The following BMX variants were observed in gnomAD, a reference collection of about 807,000 sequenced individuals.
BMX encodes the protein BMX non-receptor tyrosine kinase.
Under a neutral mutation model 59.2 loss-of-function variants are expected in BMX, and 31 were observed. That is an observed-to-expected ratio of 0.52 (90% CI 0.39 to 0.71). The LOEUF (loss-of-function observed/expected upper bound fraction) is 0.71. Among genes scored for constraint, BMX ranks in the 30% least tolerant of loss-of-function variants. The pLI is 0.00. For missense variants in BMX, 474 were observed against 491.7 expected (o/e 0.96, Z 0.34); for synonymous variants, 185 against 181.0 (o/e 1.02, Z -0.18).
At chrX:15,524,564 GC>G (rs1360287035) in intron 7 of BMX, among the ~76,000 whole-genome samples, 5 of 112,179 alleles carry the variant, frequency 4.5e-5, no homozygotes, top group Non-Finnish European at 7.5e-5. Flanking sequence ...ATTCTAGTGG[GC>G]AAGGCTCTTT....
intron 11 of BMX, 58 bp downstream of exon 11, chrX:15,531,465 T>C: frequency 1.1e-6 from 1 of 941,285 alleles, no homozygotes; most frequent in African/African-American, 1.9e-5. Context: ...TTGAATATGC[T>C]GGTCACAATC....
rs201616812 is a variant in BMX at position 15,549,868 on chromosome X, G to T, written c.1824G>T (p.Leu608=). Residue 608 remains leucine (L), a synonymous_variant, in exon 18 of 19, where the codon CTG becomes CTT. Coordinates refer to ENST00000348343, the MANE Select transcript of BMX (RefSeq NM_203281.3). ...FGILMWEVFS[L]GKQPYDLYDN... ...TCCTGATGTGGGAGGTGTTCAGCCTGGGGAAGCAGCCCTATGACTTGTATG... is the reference window on the plus strand; with the variant it reads ...TCCTGATGTGGGAGGTGTTCAGCCTTGGGAAGCAGCCCTATGACTTGTATG... 1 of 1,207,161 alleles carries T rather than the reference G, an allele frequency of 8.3e-7. No homozygotes were observed. Among genetic ancestry groups the T allele is most frequent in the African/African-American group, 1.8e-5 (1 of 56,965 alleles).
In BMX at chrX:15,537,263, C is replaced by T; in HGVS notation, c.1352C>T (p.Ser451Phe). The change falls in exon 14 of 19, where the codon TCC becomes TTC. Residue 451 changes from serine to phenylalanine, a missense_variant. Physicochemically the swap from Ser to Phe is radical, Grantham distance 155. Transcript: ENST00000348343. The part of the protein sequence containing the change: ...DVAVKMIKEG[S>F]MSEDEFFQEA... ...GCTGTTAAGATGATCAAGGAGGGCTCCATGTCAGAAGATGAATTCTTTCAG... is the reference window on the plus strand; with the variant it reads ...GCTGTTAAGATGATCAAGGAGGGCTTCATGTCAGAAGATGAATTCTTTCAG... 1 of 1,207,987 alleles carries T rather than the reference C, an allele frequency of 8.3e-7. No homozygotes were observed. Among genetic ancestry groups the T allele is most frequent in the Non-Finnish European group, 1.1e-6 (1 of 894,568 alleles).
intron 17 of BMX, among the ~76,000 whole-genome samples, chrX:15,549,393 T>C (rs772453551): frequency 3.0e-4 from 34 of 111,921 alleles, no homozygotes; most frequent in Non-Finnish European, 2.4e-4. Flanking sequence ...GATTGTGCAA[T>C]GAAATTGTTG....
intron 14 of BMX, among the ~76,000 whole-genome samples, chrX:15,541,328 G>A (rs1569228983): frequency 9.1e-6 from 1 of 110,301 alleles, no homozygotes; most frequent in African/African-American, 3.3e-5. Context: ...GTGCTGGGAA[G>A]AGGTACGGTA....
At chrX:15,541,952 C>A (rs1925707873) in intron 14 of BMX, 30 bp from the exon 15 acceptor site, 1 of 1,149,194 alleles carries the variant, frequency 8.7e-7, no homozygotes, top group Non-Finnish European at 1.2e-6. Context: ...GAGTGTGGAG[C>A]ATTGAACTTT....
intron 1 of BMX, among the ~76,000 whole-genome samples, chrX:15,502,787 A>G (rs183129021): frequency 8.9e-6 from 1 of 112,004 alleles, no homozygotes; most frequent in East Asian, 2.8e-4. Flanking sequence ...GTTTAAACCT[A>G]CCATCACATT....
intron 3 of BMX, among the ~76,000 whole-genome samples, chrX:15,510,997 A>T (rs1923932785): frequency 8.9e-6 from 1 of 112,053 alleles, no homozygotes; most frequent in South Asian, 3.7e-4. Context: ...ATATATGGAT[A>T]TTGGCAGAGA....
chrX:15,545,475 C>A (rs1160351047), intron 16 of BMX, among the ~76,000 whole-genome samples: 1 of 112,479 alleles, frequency 8.9e-6, no homozygotes, highest in Non-Finnish European at 1.9e-5. Context: ...AGGGGCCGCA[C>A]GCACAGTGTG....
intron 14 of BMX, 67 bp from the exon 15 acceptor site, chrX:15,541,915 A>C: frequency 1.0e-6 from 1 of 996,719 alleles, no homozygotes; most frequent in Non-Finnish European, 1.4e-6. Context: ...TCTGAGAGCA[A>C]CTCTTTTTCA....
At chrX:15,522,203 C>T (rs1215210545) in intron 6 of BMX, 143 bp from the exon 7 acceptor site, 9 of 770,862 alleles carry the variant, frequency 1.2e-5, no homozygotes, top group Non-Finnish European at 1.5e-5. Flanking sequence ...TGCCTCTTTC[C>T]TTCCTCCCTT....
intron 9 of BMX, 27 bp from the exon 10 acceptor site, chrX:15,529,946 T>A (rs1216341953): frequency 8.5e-7 from 1 of 1,182,277 alleles, no homozygotes; most frequent in Non-Finnish European, 1.2e-6. Flanking sequence ...TTATTGATTC[T>A]CACATATAAT....
At chrX:15,548,355 G>C (rs1166790294) in intron 17 of BMX, among the ~76,000 whole-genome samples, 3 of 111,171 alleles carry the variant, frequency 2.7e-5, no homozygotes, top group East Asian at 5.6e-4. Flanking sequence ...TACTCGAGAG[G>C]CTGAGGCACG....
intron 18 of BMX, among the ~76,000 whole-genome samples, chrX:15,555,517 T>C (rs1170468285): frequency 9.0e-6 from 1 of 111,169 alleles, no homozygotes; most frequent in Non-Finnish European, 1.9e-5. Context: ...CCAGGGATGC[T>C]TTTTTATATA....
At position 15,505,777 on chromosome X, in the gene BMX, T is replaced by G. The variant is rs775631170; in HGVS notation, c.-9-2568T>G. ...TCAATACCTTCCTTTTTACTCAATGTTCTTCCTTTCAATACACAGAGGCAA... is the reference window on the plus strand; with the variant it reads ...TCAATACCTTCCTTTTTACTCAATGGTCTTCCTTTCAATACACAGAGGCAA... On this transcript the variant is annotated intron_variant, in intron 1 of 18. Coordinates refer to ENST00000348343, the MANE Select transcript of BMX (RefSeq NM_203281.3). Among the ~76,000 whole-genome samples, 7 of 111,686 alleles carry G rather than the reference T, an allele frequency of 6.3e-5. No individual in the cohort carries two copies. In the East Asian group the frequency reaches 2.0e-3, roughly 31 times the overall value.
chrX:15,539,874 G>A (rs139535553), intron 14 of BMX, among the ~76,000 whole-genome samples: 2,270 of 112,201 alleles, frequency 0.02, 66 homozygotes, highest in African/African-American at 0.07. Context: ...CAAAACGACA[G>A]TGAGATACCA....
In BMX at chrX:15,553,817, C is replaced by G. The variant is rs761685428; in HGVS notation, c.1954-2256C>G. Among the ~76,000 whole-genome samples, 7 of 111,421 alleles carry G rather than the reference C, an allele frequency of 6.3e-5. No homozygotes were observed. In the South Asian group the frequency reaches 2.7e-3, roughly 43 times the overall value. On this transcript the variant is annotated intron_variant, in intron 18 of 18. Transcript: ENST00000348343. ...CAGAACCTCCCTGGCCCTCCCTACT[C>G]TAGCTCCTGGGAATATGACTGCACC...
intron 1 of BMX, among the ~76,000 whole-genome samples, chrX:15,506,934 A>T (rs1466894634): frequency 2.7e-5 from 3 of 113,137 alleles, no homozygotes. Context: ...TAAAAATCAA[A>T]TAATGCCCTT....
rs138781474 is a variant in BMX at position 15,510,477 on chromosome X, A to T, written c.244-960A>T. Among the ~76,000 whole-genome samples the T allele has an allele frequency of 2.1e-3, 239 of 111,455 alleles. 1 individual carries two copies. Among genetic ancestry groups the T allele is most frequent in the African/African-American group, 7.4e-3 (227 of 30,630 alleles). Reference sequence around the variant, plus strand: ...GATCACTTAAGGCTGGGAGTTCAAGACTAGCCTGGGCAACATAGCGAGACC... The same window carrying T: ...GATCACTTAAGGCTGGGAGTTCAAGTCTAGCCTGGGCAACATAGCGAGACC... On this transcript the variant is annotated intron_variant, in intron 3 of 18. Transcript: ENST00000348343.
Sources: allele counts gnomAD v4.1 joint callset (sites outside exome capture counted in the v4.1 genomes callset), GRCh38; gene constraint gnomAD v4.1.1; transcripts MANE v1.5; gene names NCBI Gene and HGNC (gene_info 2026-07-23, HGNC 2026-07-21).